The following IMMP2L variants were observed in gnomAD, a reference collection of about 807,000 sequenced individuals.
IMMP2L encodes inner mitochondrial membrane peptidase subunit 2, also known as mitochondrial inner membrane protease subunit 2.
A neutral mutation model predicts 19.3 loss-of-function variants in IMMP2L; 18 were observed. That is an observed-to-expected ratio of 0.93 (90% CI 0.64 to 1.38). The LOEUF is 1.38. Among genes scored for constraint, IMMP2L ranks in the 40% most tolerant of loss-of-function variants. The pLI is 0.00. For missense variants in IMMP2L, 233 were observed against 218.2 expected, an observed-to-expected ratio of 1.07 and a Z score of -0.43; for synonymous variants, 76 against 73.0, an observed-to-expected ratio of 1.04 and a Z score of -0.21.
intron 3 of IMMP2L, among the ~76,000 whole-genome samples, chr7:110,987,324 C>A (rs750393470): frequency 6.6e-6 from 1 of 152,150 alleles, no homozygotes; most frequent in Non-Finnish European, 1.5e-5. Context: ...CAGCTATTGG[C>A]AAGGCACTGC....
chr7:111,351,058 A>G (rs1828096109), intron 3 of IMMP2L, among the ~76,000 whole-genome samples: 1 of 152,196 alleles, frequency 6.6e-6, no homozygotes, highest in Non-Finnish European at 1.5e-5. Context: ...ATTGATTTTG[A>G]TGTGAAAGTA....
chr7:111,396,127 A>G (rs1027233956), intron 3 of IMMP2L, among the ~76,000 whole-genome samples: 2 of 152,160 alleles, frequency 1.3e-5, no homozygotes, highest in African/African-American at 4.8e-5. Context: ...CAAACCCATT[A>G]CTGGGTATAT....
intron 3 of IMMP2L, among the ~76,000 whole-genome samples, chr7:111,335,175 C>G (rs778791925): frequency 6.6e-6 from 1 of 152,056 alleles, no homozygotes; most frequent in African/African-American, 2.4e-5. Flanking sequence ...AGAAAAGATA[C>G]AAACTAGAGC....
intron 5 of IMMP2L, among the ~76,000 whole-genome samples, chr7:110,844,222 A>G (rs1238183012): frequency 6.6e-6 from 1 of 152,210 alleles, no homozygotes; most frequent in African/African-American, 2.4e-5. Flanking sequence ...GCAAAGATCA[A>G]TAAGCTCAGA....
chr7:110,670,844 A>T (rs2130332282), intron 5 of IMMP2L, among the ~76,000 whole-genome samples: 1 of 152,344 alleles, frequency 6.6e-6, no homozygotes, highest in South Asian at 2.1e-4. Flanking sequence ...TTGAAGAAAA[A>T]GAGAGAGATG....
chr7:111,553,904 A>G (rs1284726027), intron 1 of IMMP2L, among the ~76,000 whole-genome samples: 1 of 152,188 alleles, frequency 6.6e-6, no homozygotes, highest in African/African-American at 2.4e-5. Context: ...CCTTCACACA[A>G]ATCTCCTCTT....
Position 110,754,059 on chromosome 7 carries a change from C to T in IMMP2L, c.409-90338G>A, listed in dbSNP as rs555403967. Among the ~76,000 whole-genome samples, 8 of 151,992 alleles carry T rather than the reference C, an allele frequency of 5.3e-5. No homozygotes were observed. The South Asian group carries it at 6.2e-4, about 12-fold the overall frequency. ...TTATTTCACTATCAAAGAAATTCTT[C>T]GATTATCATTTTTCCTGTCCTCTTT... On this transcript the variant is annotated intron_variant, in intron 5 of 5. Coordinates refer to ENST00000405709, the MANE Select transcript of IMMP2L (RefSeq NM_032549.4).
chr7:111,112,575 T>C (rs1400133589), intron 3 of IMMP2L, among the ~76,000 whole-genome samples: 1 of 152,186 alleles, frequency 6.6e-6, no homozygotes, highest in East Asian at 1.9e-4. Context: ...AAGCTTACAG[T>C]GGAATGTATG....
intron 3 of IMMP2L, among the ~76,000 whole-genome samples, chr7:111,131,585 T>C (rs1410917020): frequency 1.3e-5 from 2 of 151,940 alleles, no homozygotes; most frequent in African/African-American, 4.8e-5. Flanking sequence ...AAATGAACAT[T>C]TGCCATCTTA....
intron 3 of IMMP2L, among the ~76,000 whole-genome samples, chr7:111,281,731 A>G (rs955026056): frequency 6.6e-6 from 1 of 152,194 alleles, no homozygotes; most frequent in African/African-American, 2.4e-5. Context: ...GTACTCTGTT[A>G]TAAGTCAAGG....
At chr7:111,037,297 T>C (rs2129570164) in intron 3 of IMMP2L, among the ~76,000 whole-genome samples, 1 of 152,246 alleles carries the variant, frequency 6.6e-6, no homozygotes, top group African/African-American at 2.4e-5. Flanking sequence ...TGTAAACATA[T>C]ACAATTTCTC....
chr7:111,095,863 T>C (rs990274687), intron 3 of IMMP2L, among the ~76,000 whole-genome samples: 7 of 151,930 alleles, frequency 4.6e-5, no homozygotes, highest in African/African-American at 1.7e-4. Context: ...ACAATAAATA[T>C]ATTATCAGGA....
intron 4 of IMMP2L, among the ~76,000 whole-genome samples, chr7:110,926,468 C>T (rs1224438831): frequency 6.6e-6 from 1 of 152,030 alleles, no homozygotes; most frequent in Non-Finnish European, 1.5e-5. Flanking sequence ...CCTTATATGG[C>T]CATGCAATTT....
intron 5 of IMMP2L, chr7:110,664,760 CAT>C (rs1791327382): frequency 6.6e-6 from 1 of 152,090 alleles, no homozygotes; most frequent in African/African-American, 2.4e-5. Context: ...AAAATACACT[CAT>C]ATTTAGCACA....
At chr7:110,686,621 T>C (rs1304813703) in intron 5 of IMMP2L, among the ~76,000 whole-genome samples, 3 of 152,066 alleles carry the variant, frequency 2.0e-5, no homozygotes, top group African/African-American at 7.2e-5. Context: ...CTGCTTCAAC[T>C]GTAACCTCAG....
chr7:111,450,691 A>G (rs1839054819), intron 3 of IMMP2L, among the ~76,000 whole-genome samples: 1 of 150,940 alleles, frequency 6.6e-6, no homozygotes, highest in African/African-American at 2.4e-5. Context: ...ATGGCAACCA[A>G]AGCCAAAATT....
chr7:111,297,691 G>C (rs979082203), intron 3 of IMMP2L, among the ~76,000 whole-genome samples: 1 of 152,068 alleles, frequency 6.6e-6, no homozygotes, highest in Admixed American at 6.6e-5. Context: ...GGATAAACAA[G>C]TTGTGGTATA....
chr7:111,204,544 T>A (rs2129616801), intron 3 of IMMP2L, among the ~76,000 whole-genome samples: 1 of 152,268 alleles, frequency 6.6e-6, no homozygotes, highest in East Asian at 1.9e-4. Context: ...ATTATAATGA[T>A]CTACCAGCTC....
chr7:111,329,248 G>A (rs1563065648), intron 3 of IMMP2L, among the ~76,000 whole-genome samples: 1 of 151,430 alleles, frequency 6.6e-6, no homozygotes, highest in Non-Finnish European at 1.5e-5. Flanking sequence ...AAAATATCCT[G>A]AAAAGAAACA....
Sources: gnomAD v4.1 joint callset for allele counts (sites outside exome capture counted in the v4.1 genomes callset) on GRCh38, gnomAD v4.1.1 for gene constraint, MANE v1.5 for transcripts, NCBI Gene and HGNC (gene_info 2026-07-23, HGNC 2026-07-21) for gene names.